The following NTM variants were observed in gnomAD, a reference collection of about 807,000 sequenced individuals.
NTM encodes the protein neurotrimin.
NTM carries 13 observed loss-of-function variants against 42.1 expected under a neutral mutation model. That is an observed-to-expected ratio of 0.31 (90% CI 0.20 to 0.49). NTM has a LOEUF of 0.49. Ranked by LOEUF, NTM falls within the 20% of genes least tolerant of loss-of-function variation. The probability of loss-of-function intolerance (pLI) is 0.99; values close to 1 mark genes in which losing one functional copy is unlikely to be tolerated. For synonymous variants in NTM, 187 were observed against 179.2 expected (o/e 1.04, Z -0.35); for missense variants, 373 against 452.8 (o/e 0.82, Z 1.60).
intron 1 of NTM, among the ~76,000 whole-genome samples, chr11:131,861,956 A>G (rs951402740): frequency 6.6e-6 from 1 of 152,078 alleles, no homozygotes; most frequent in Non-Finnish European, 1.5e-5. Context: ...TCCAGAGCCC[A>G]CTGTTAAACC....
intron 1 of NTM, among the ~76,000 whole-genome samples, chr11:131,718,550 GC>G (rs2077969530): frequency 6.6e-6 from 1 of 152,118 alleles, no homozygotes; most frequent in Non-Finnish European, 1.5e-5. Flanking sequence ...AGCATCCCTG[GC>G]CCCGTGTGAG....
rs561304905 is a variant in NTM, at chr11:132,118,065, TA to T, written c.168-28215del. 6.9e-4 allele frequency among the ~76,000 whole-genome samples: 105 copies of T among 152,372 alleles called. 1 individual carries two copies. The highest frequency in any genetic ancestry group is 5.0e-3 in the Admixed American group (76 of 15,312). The stretch of plus-strand genomic sequence containing the variant: ...ATGTCATAGTAGATTAATTGCAACA[TA>T]ATATAAAACACATTTATATTGCATC... On this transcript the variant is annotated intron_variant, in intron 2 of 8. Transcript: ENST00000683400.
chr11:132,298,677 TATGAAGCTA>T (rs1271760239), intron 4 of NTM, among the ~76,000 whole-genome samples: 1 of 152,200 alleles, frequency 6.6e-6, no homozygotes, highest in African/African-American at 2.4e-5. Flanking sequence ...TTCTCTTTAA[TATGAAGCTA>T]ATTATTATTC....
intron 1 of NTM, among the ~76,000 whole-genome samples, chr11:131,853,489 C>A (rs926467044): frequency 6.6e-6 from 1 of 152,132 alleles, no homozygotes; most frequent in African/African-American, 2.4e-5. Flanking sequence ...TGAGAGCATG[C>A]GGTATTTGGT....
intron 1 of NTM, among the ~76,000 whole-genome samples, chr11:131,748,732 G>A (rs1427812641): frequency 6.6e-6 from 1 of 152,186 alleles, no homozygotes; most frequent in African/African-American, 2.4e-5. Context: ...AATCCGATGT[G>A]CTTTTTCAGA....
intron 3 of NTM, among the ~76,000 whole-genome samples, chr11:132,181,913 C>A (rs1477643334): frequency 6.6e-6 from 1 of 151,244 alleles, no homozygotes; most frequent in Non-Finnish European, 1.5e-5. Flanking sequence ...TAAGGCAAGT[C>A]TGAAATCTTA....
chr11:132,121,042 T>G (rs2064730067), intron 2 of NTM, among the ~76,000 whole-genome samples: 1 of 152,226 alleles, frequency 6.6e-6, no homozygotes, highest in South Asian at 2.1e-4. Flanking sequence ...GTCACCTTGA[T>G]ATGCTCATCT....
chr11:132,244,877 T>C (rs2139276208), intron 4 of NTM, among the ~76,000 whole-genome samples: 1 of 152,320 alleles, frequency 6.6e-6, no homozygotes, highest in East Asian at 1.9e-4. Flanking sequence ...CTTCTATTAA[T>C]GGAGCAGAAT....
At chr11:131,532,185 A>C (rs915871533) in intron 1 of NTM, among the ~76,000 whole-genome samples, 12 of 152,084 alleles carry the variant, frequency 7.9e-5, no homozygotes, top group Non-Finnish European at 1.3e-4. Flanking sequence ...AATTTTTTTT[A>C]AATCATCCCA....
intron 1 of NTM, among the ~76,000 whole-genome samples, chr11:131,619,576 G>T (rs1046091623): frequency 1.3e-5 from 2 of 152,168 alleles, no homozygotes; most frequent in Non-Finnish European, 2.9e-5. Flanking sequence ...AGACTAAAAT[G>T]GTGGGGCATT....
chr11:132,163,877 G>A (rs1429971254), intron 3 of NTM, among the ~76,000 whole-genome samples: 1 of 152,142 alleles, frequency 6.6e-6, no homozygotes, highest in Non-Finnish European at 1.5e-5. Context: ...CTGGGGGTAA[G>A]CCCATGGTGT....
chr11:131,629,650 C>T (rs914841411), intron 1 of NTM, among the ~76,000 whole-genome samples: 1 of 152,128 alleles, frequency 6.6e-6, no homozygotes, highest in Non-Finnish European at 1.5e-5. Flanking sequence ...CTGGAGGATG[C>T]ATGGCTACAT....
chr11:131,526,432 T>G (rs2136624283), intron 1 of NTM, among the ~76,000 whole-genome samples: 2 of 152,336 alleles, frequency 1.3e-5, no homozygotes, highest in South Asian at 4.1e-4. Context: ...CCGCTTGGAT[T>G]GTCAGCTTTC....
intron 1 of NTM, among the ~76,000 whole-genome samples, chr11:131,427,380 T>G (rs1948243087): frequency 6.6e-6 from 1 of 152,082 alleles, no homozygotes; most frequent in Admixed American, 6.5e-5. Context: ...AAAAAATAAG[T>G]ATAGCTTCTC....
intron 1 of NTM, among the ~76,000 whole-genome samples, chr11:131,633,874 C>G (rs1034639287): frequency 6.6e-6 from 1 of 151,024 alleles, no homozygotes; most frequent in African/African-American, 2.4e-5. Flanking sequence ...TGAATCAGAA[C>G]TCCTACCACA....
intron 1 of NTM, among the ~76,000 whole-genome samples, chr11:131,816,829 G>A (rs2092971419): frequency 7.6e-6 from 1 of 132,424 alleles, no homozygotes; most frequent in Admixed American, 8.2e-5. Context: ...TTAGGTCAAG[G>A]GTCCATACTT....
chr11:131,950,839 C>T (rs1260182440), intron 2 of NTM, among the ~76,000 whole-genome samples: 1 of 152,212 alleles, frequency 6.6e-6, no homozygotes, highest in Non-Finnish European at 1.5e-5. Context: ...TCTTCCTCCA[C>T]TTCCTTCTGG....
chr11:131,588,067 C>T (rs1055970115), intron 1 of NTM, among the ~76,000 whole-genome samples: 9 of 152,182 alleles, frequency 5.9e-5, no homozygotes, highest in East Asian at 3.8e-4. Context: ...AATTTTACAT[C>T]ACCATATGAG....
At chr11:132,309,978 C>G in intron 5 of NTM, 134 bp from the exon 6 acceptor site, 1 of 1,088,276 alleles carries the variant, frequency 9.2e-7, no homozygotes, top group Non-Finnish European at 1.2e-6. Context: ...ATTGCTTGAA[C>G]CCGGGAGGCA....
Sources: allele counts gnomAD v4.1 joint callset (sites outside exome capture counted in the v4.1 genomes callset), GRCh38; gene constraint gnomAD v4.1.1; transcripts MANE v1.5; gene names NCBI Gene and HGNC (gene_info 2026-07-23, HGNC 2026-07-21).